Variants in CALN1 observed in about 807,000 individuals in gnomAD.
CALN1 encodes calneuron 1.
A neutral mutation model predicts 30.6 loss-of-function variants in CALN1; 17 were observed. The observed-to-expected ratio is 0.56, with a 90% CI of 0.38 to 0.83. The LOEUF (loss-of-function observed/expected upper bound fraction) is 0.83, where lower values mean the gene tolerates loss of function less well. Ranked by LOEUF, CALN1 falls within the 40% of genes least tolerant of loss-of-function variation. The pLI is 0.00. For synonymous variants in CALN1, 156 were observed against 131.4 expected, an observed-to-expected ratio of 1.19 and a Z score of -1.28; for missense variants, 291 against 354.9, an observed-to-expected ratio of 0.82 and a Z score of 1.45.
intron 5 of CALN1, among the ~76,000 whole-genome samples, chr7:71,869,794 A>G (rs765068281): frequency 2.6e-5 from 4 of 152,158 alleles, no homozygotes; most frequent in Non-Finnish European, 5.9e-5. Context: ...GAGACAATGG[A>G]ATCGTGTAAT....
At chr7:72,134,372 A>C (rs1463791126) in intron 3 of CALN1, among the ~76,000 whole-genome samples, 1 of 152,220 alleles carries the variant, frequency 6.6e-6, no homozygotes, top group African/African-American at 2.4e-5. Flanking sequence ...AAACCTAAGG[A>C]AACTTTTCAG....
At chr7:71,796,882 G>A (rs1786959117) in intron 6 of CALN1, among the ~76,000 whole-genome samples, 1 of 152,160 alleles carries the variant, frequency 6.6e-6, no homozygotes, top group South Asian at 2.1e-4. Flanking sequence ...TTGTTCACAG[G>A]CTCCATGCAT....
At chr7:71,830,912 T>C (rs542470291) in intron 5 of CALN1, among the ~76,000 whole-genome samples, 1 of 152,342 alleles carries the variant, frequency 6.6e-6, no homozygotes, top group East Asian at 1.9e-4. Context: ...TCATTCAGTT[T>C]GTTATCGCAG....
At chr7:71,827,775 A>AAAATAAAT (rs10646245) in intron 5 of CALN1, among the ~76,000 whole-genome samples, 19,034 of 140,114 alleles carry the variant, frequency 0.14, 1,546 homozygotes, top group East Asian at 0.23. Context: ...CCATCTTAAA[A>AAAATAAAT]AAATAAATAA....
At chr7:72,054,635 T>A (rs1803130999) in intron 4 of CALN1, among the ~76,000 whole-genome samples, 1 of 151,132 alleles carries the variant, frequency 6.6e-6, no homozygotes. Flanking sequence ...CTGGAAGCTG[T>A]TATCCTTAGC....
At chr7:72,367,376 T>A (rs1692718424) in intron 2 of CALN1, among the ~76,000 whole-genome samples, 2 of 152,060 alleles carry the variant, frequency 1.3e-5, no homozygotes, top group South Asian at 4.1e-4. Context: ...TCCCAGCTAC[T>A]CACTCAGAAG....
At chr7:72,187,358 A>G (rs1191174212) in intron 3 of CALN1, among the ~76,000 whole-genome samples, 1 of 152,140 alleles carries the variant, frequency 6.6e-6, no homozygotes, top group Non-Finnish European at 1.5e-5. Context: ...GAATGCAATC[A>G]TTGTCTAGGA....
At chr7:72,487,734 A>AAAGAAAGAAAGAAAGGAAGG in the CALN1 span, among the ~76,000 whole-genome samples, 15 of 56,620 alleles carry the variant, frequency 2.6e-4, 2 homozygotes, top group East Asian at 1.4e-3. Flanking sequence ...AGAAAGAAAG[A>AAAGAAAGAAAGAAAGGAAGG]AAGGAAGGAA....
At chr7:72,238,084 A>G (rs373672325) in intron 3 of CALN1, among the ~76,000 whole-genome samples, 13 of 152,330 alleles carry the variant, frequency 8.5e-5, no homozygotes, top group African/African-American at 3.1e-4. Flanking sequence ...GGTTCACCAA[A>G]GCTCCAGGTG....
chr7:72,232,603 A>T (rs1464356091), intron 3 of CALN1, among the ~76,000 whole-genome samples: 2 of 131,454 alleles, frequency 1.5e-5, no homozygotes, highest in African/African-American at 6.1e-5. Context: ...TGGGATTACA[A>T]GCACCTGCCA....
intron 2 of CALN1, among the ~76,000 whole-genome samples, chr7:72,352,056 A>C (rs1465912632): frequency 6.6e-6 from 1 of 152,214 alleles, no homozygotes; most frequent in Non-Finnish European, 1.5e-5. Flanking sequence ...AGGCAGGCAG[A>C]TCACTTGAGG....
At chr7:72,315,347 G>C (rs1176783211) in intron 2 of CALN1, among the ~76,000 whole-genome samples, 1 of 151,994 alleles carries the variant, frequency 6.6e-6, no homozygotes, top group Non-Finnish European at 1.5e-5. Flanking sequence ...ATTCACAAAA[G>C]GAAAAATCAA....
the CALN1 span, among the ~76,000 whole-genome samples, chr7:72,476,135 G>T: frequency 2.0e-5 from 3 of 151,900 alleles, no homozygotes; most frequent in Admixed American, 6.6e-5. Context: ...TTTTAATAGA[G>T]ACCAGGACTC....
intron 1 of CALN1, among the ~76,000 whole-genome samples, chr7:72,406,766 A>ACC (rs1344425415): frequency 1.3e-5 from 2 of 151,904 alleles, no homozygotes; most frequent in East Asian, 3.9e-4. Flanking sequence ...ACAGGTGCAC[A>ACC]CCACCAGGCC....
chr7:72,086,812 G>T (rs757108710), intron 4 of CALN1, among the ~76,000 whole-genome samples: 16 of 152,152 alleles, frequency 1.1e-4, no homozygotes, highest in Non-Finnish European at 1.6e-4. Flanking sequence ...ACAGGATATA[G>T]AGAGAGAAGC....
At chr7:71,870,011 G>A (rs995577133) in intron 5 of CALN1, among the ~76,000 whole-genome samples, 1 of 152,192 alleles carries the variant, frequency 6.6e-6, no homozygotes, top group Non-Finnish European at 1.5e-5. Context: ...CCCAACGGCC[G>A]TAGTTACCTC....
chr7:72,047,510 G>T (rs1403261857), intron 4 of CALN1, among the ~76,000 whole-genome samples: 1 of 152,140 alleles, frequency 6.6e-6, no homozygotes, highest in Admixed American at 6.5e-5. Context: ...GATTGCTTGA[G>T]CCCAGGACTT....
At chr7:71,867,169 C>T (rs1253598199) in intron 5 of CALN1, among the ~76,000 whole-genome samples, 1 of 151,168 alleles carries the variant, frequency 6.6e-6, no homozygotes, top group Non-Finnish European at 1.5e-5. Context: ...AGGACATTTA[C>T]AGTAGCATTA....
At chr7:71,978,417 A>G (rs1039954340) in intron 5 of CALN1, among the ~76,000 whole-genome samples, 4 of 149,724 alleles carry the variant, frequency 2.7e-5, no homozygotes, top group Non-Finnish European at 4.4e-5. Flanking sequence ...GACTACAGGC[A>G]CCCCCCCACC....
Sources: gnomAD v4.1 joint callset for allele counts (sites outside exome capture counted in the v4.1 genomes callset) on GRCh38, gnomAD v4.1.1 for gene constraint, MANE v1.5 for transcripts, NCBI Gene and HGNC (gene_info 2026-07-23, HGNC 2026-07-21) for gene names.